Variants in NEO1 observed in about 807,000 individuals in gnomAD.
The protein encoded by NEO1 is neogenin 1.
In NEO1, 63 loss-of-function variants were observed where a neutral mutation model predicts 159.7. The ratio of observed to expected loss-of-function variants is 0.39; its 90% CI spans 0.32 to 0.49. The LOEUF is 0.49. Ranked by LOEUF, NEO1 falls within the 20% of genes least tolerant of loss-of-function variation. The probability of loss-of-function intolerance (pLI) is 0.85; values close to 1 mark genes in which losing one functional copy is unlikely to be tolerated. For missense variants in NEO1, 1,615 were observed against 1,831.0 expected, an observed-to-expected ratio of 0.88 and a Z score of 2.15; for synonymous variants, 633 against 662.0, an observed-to-expected ratio of 0.96 and a Z score of 0.67.
intron 18 of NEO1, among the ~76,000 whole-genome samples, chr15:73,270,910 A>G (rs1363774822): frequency 1.3e-5 from 2 of 152,366 alleles, no homozygotes; most frequent in African/African-American, 4.8e-5. Context: ...CGAGAGGGAA[A>G]AGATGACTAA....
At chr15:73,146,983 G>C (rs2032954255) in intron 5 of NEO1, among the ~76,000 whole-genome samples, 1 of 152,164 alleles carries the variant, frequency 6.6e-6, no homozygotes, top group South Asian at 2.1e-4. Flanking sequence ...ATGGATTTGT[G>C]GTGCCACTAA....
intron 7 of NEO1, among the ~76,000 whole-genome samples, chr15:73,224,500 A>T (rs527930302): frequency 6.6e-6 from 1 of 152,172 alleles, no homozygotes; most frequent in East Asian, 1.9e-4. Context: ...GGCTTTGTTC[A>T]TATTTTCTTA....
chr15:73,269,966 T>A, intron 16 of NEO1, 44 bp from the exon 17 acceptor site: 1 of 1,450,036 alleles, frequency 6.9e-7, no homozygotes, highest in Non-Finnish European at 9.7e-7. Context: ...TATTTTTGTT[T>A]ACATTAAAAT....
chr15:73,124,484 T>A (rs1214451613), intron 3 of NEO1, among the ~76,000 whole-genome samples: 1 of 152,150 alleles, frequency 6.6e-6, no homozygotes, highest in Non-Finnish European at 1.5e-5. Context: ...ACTTCCTTCC[T>A]TTCTCTCCCC....
In NEO1 at chr15:73,138,494, C is replaced by T. The variant is rs951502904; in HGVS notation, c.1015+2467C>T. On this transcript the variant is annotated intron_variant, in intron 5 of 28. Transcript: ENST00000261908. ...GGAGTTGGCCGGGCGCGGTGGCTCG[C>T]GCCTGTAATCCCAGCACTTTGGGAG... Among the ~76,000 whole-genome samples the T allele has an allele frequency of 5.3e-5, 8 of 152,168 alleles. 1 individual carries two copies. The highest frequency in any genetic ancestry group is 4.6e-4 in the Admixed American group (7 of 15,282).
chr15:73,258,861 G>A lies in NEO1; in HGVS notation c.2188G>A (p.Glu730Lys). 6.2e-7 allele frequency: 1 copy of A among 1,613,658 alleles called. No homozygotes were observed. Among genetic ancestry groups the A allele is most frequent in the Non-Finnish European group, 8.5e-7 (1 of 1,179,712 alleles). ...TGACTGGCTGTCTGCTGAAACTTTT[G>A]AAAGTGACCTAGATGGTAAGAATAA... ...ATDWLSAETF[E>K]SDLDETRVPE... Residue 730 changes from glutamate (E) to lysine (K), a missense_variant, in exon 14 of 29, where the codon GAA (glutamate) becomes AAA (lysine). Physicochemically the swap from Glu to Lys is moderately conservative, Grantham distance 56. Coordinates refer to ENST00000261908, the MANE Select transcript of NEO1 (RefSeq NM_002499.4).
At chr15:73,097,001 T>C (rs2070082569) in intron 1 of NEO1, among the ~76,000 whole-genome samples, 1 of 152,090 alleles carries the variant, frequency 6.6e-6, no homozygotes, top group Non-Finnish European at 1.5e-5. Context: ...AGCATGTGCC[T>C]GTGGTCCCAG....
intron 19 of NEO1, among the ~76,000 whole-genome samples, chr15:73,272,947 T>A (rs1445364906): frequency 6.9e-6 from 1 of 144,178 alleles, no homozygotes; most frequent in Non-Finnish European, 1.5e-5. Context: ...ACAGAGATTC[T>A]GCTCTTGTAC....
At chr15:73,282,898 T>C in intron 22 of NEO1, 66 bp from the exon 23 acceptor site, 2 of 1,552,598 alleles carry the variant, frequency 1.3e-6, no homozygotes, top group Non-Finnish European at 1.8e-6. Flanking sequence ...AATGGTTCTG[T>C]AGCTTGATAG....
intron 9 of NEO1, 88 bp from the exon 10 acceptor site, chr15:73,248,972 G>C (rs79539304): frequency 1.7e-6 from 2 of 1,211,560 alleles, no homozygotes; most frequent in Non-Finnish European, 2.3e-6. Flanking sequence ...TTTTAAAAAC[G>C]TGGCCAATAT....
chr15:73,121,098 A>G (rs541791070), intron 2 of NEO1, among the ~76,000 whole-genome samples: 1 of 152,282 alleles, frequency 6.6e-6, no homozygotes, highest in South Asian at 2.1e-4. Flanking sequence ...CTAGATAACC[A>G]CAGATGTCCA....
Position 73,116,696 on chromosome 15 carries a change from T to C in NEO1, c.287T>C (p.Val96Ala). 1.2e-6 allele frequency: 2 copies of C among 1,614,012 alleles called. No homozygotes were observed. Among genetic ancestry groups the C allele is most frequent in the Non-Finnish European group, 1.7e-6 (2 of 1,179,930 alleles). The change falls in exon 2 of 29, where the codon GTA becomes GCA. Residue 96 changes from valine (V) to alanine (A), a missense_variant. Val to Ala is a moderately conservative substitution (Grantham distance 64). Around this residue, in one of 3 missense-constraint regions of NEO1, gnomAD observed 1,018 missense variants for 1,115.4 expected, o/e 0.91. Transcript: ENST00000261908. ...AAAGATGGAACTTTTTTAAACTTAG[T>C]ATCAGATGATCGACGCCAGCTTCTC... ...WKKDGTFLNL[V>A]SDDRRQLLPD...
intron 7 of NEO1, among the ~76,000 whole-genome samples, chr15:73,187,686 T>G (rs991940930): frequency 6.6e-6 from 1 of 152,192 alleles, no homozygotes; most frequent in African/African-American, 2.4e-5. Context: ...TGTAAAACTT[T>G]ATATACAAAA....
intron 3 of NEO1, 55 bp downstream of exon 3, chr15:73,122,855 GT>G: frequency 6.3e-7 from 1 of 1,579,272 alleles, no homozygotes; most frequent in South Asian, 1.1e-5. Context: ...GGTAAACATT[GT>G]TCTGTTAGAA....
intron 7 of NEO1, among the ~76,000 whole-genome samples, chr15:73,208,406 A>G (rs1477216010): frequency 6.6e-6 from 1 of 152,174 alleles, no homozygotes; most frequent in African/African-American, 2.4e-5. Flanking sequence ...AGTAATCCTT[A>G]CCATTTTCTA....
At chr15:73,060,056 A>G (rs2067903824) in intron 1 of NEO1, among the ~76,000 whole-genome samples, 1 of 152,156 alleles carries the variant, frequency 6.6e-6, no homozygotes, top group South Asian at 2.1e-4. Context: ...AAATCACCAA[A>G]ATATGTCTTT....
At chr15:73,268,871 A>AGTACT (rs1309904330) in intron 16 of NEO1, among the ~76,000 whole-genome samples, 2 of 152,166 alleles carry the variant, frequency 1.3e-5, no homozygotes, top group Non-Finnish European at 2.9e-5. Context: ...CCATCAAATA[A>AGTACT]GTACTGTACA....
intron 5 of NEO1, among the ~76,000 whole-genome samples, chr15:73,141,958 C>G (rs1189265205): frequency 6.6e-6 from 1 of 152,172 alleles, no homozygotes; most frequent in Non-Finnish European, 1.5e-5. Flanking sequence ...TGATTGAGAG[C>G]AATCTTGCCC....
chr15:73,288,659 T>G (rs1248157812), intron 24 of NEO1, 108 bp downstream of exon 24: 1 of 880,178 alleles, frequency 1.1e-6, no homozygotes, highest in Non-Finnish European at 1.8e-6. Flanking sequence ...CTATATGAGA[T>G]CAGATTTAGA....
Sources: allele counts gnomAD v4.1 joint callset (sites outside exome capture counted in the v4.1 genomes callset), GRCh38; gene constraint gnomAD v4.1.1; regional missense constraint gnomAD v4.1.1; transcripts MANE v1.5; gene names NCBI Gene and HGNC (gene_info 2026-07-23, HGNC 2026-07-21).